The following SCTR variants were observed in gnomAD, a reference collection of about 807,000 sequenced individuals.
SCTR encodes the protein pancreatic secretin receptor.
Under a neutral mutation model 60.8 loss-of-function variants are expected in SCTR, and 56 were observed. The ratio of observed to expected loss-of-function variants is 0.92; its 90% CI spans 0.74 to 1.15. The LOEUF (loss-of-function observed/expected upper bound fraction) is 1.15, where lower values mean the gene tolerates loss of function less well. Among genes scored for constraint, SCTR ranks in the 50% most tolerant of loss-of-function variants. The probability of loss-of-function intolerance (pLI) is 0.00; values close to 1 mark genes in which losing one functional copy is unlikely to be tolerated. For synonymous variants in SCTR, 202 were observed against 217.0 expected (o/e 0.93, Z 0.61); for missense variants, 562 against 550.4 (o/e 1.02, Z -0.21).
chr2:119,450,813 T>A (rs1683134178), intron 9 of SCTR, among the ~76,000 whole-genome samples: 1 of 152,046 alleles, frequency 6.6e-6, no homozygotes, highest in African/African-American at 2.4e-5. Flanking sequence ...CTACAAAAAA[T>A]TAGCTAGGCG....
chr2:119,462,038 C>T (rs1165784577), intron 6 of SCTR, 38 bp from the exon 7 acceptor site: 1 of 1,571,354 alleles, frequency 6.4e-7, no homozygotes, highest in South Asian at 1.2e-5. Context: ...GGCCGGGTGG[C>T]AGTGGGGTTC....
chr2:119,448,473 T>C (rs1180362071), intron 10 of SCTR, among the ~76,000 whole-genome samples: 1 of 152,220 alleles, frequency 6.6e-6, no homozygotes, highest in East Asian at 1.9e-4. Context: ...TCAGGCTTCC[T>C]GCCTGAGATT....
chr2:119,492,868 TTATTTATTTATTTTG>T (rs1456508751), intron 2 of SCTR, among the ~76,000 whole-genome samples: 1 of 148,538 alleles, frequency 6.7e-6, no homozygotes. Context: ...ATTTATTTAT[TTATTTATTTATTTTG>T]AGACAGAGTC....
intron 1 of SCTR, among the ~76,000 whole-genome samples, chr2:119,511,285 T>G (rs1678922473): frequency 6.6e-6 from 1 of 152,282 alleles, no homozygotes; most frequent in Non-Finnish European, 1.5e-5. Context: ...AAACTTCCTA[T>G]TAGGGAAGAG....
At chr2:119,488,705 A>G (rs750985421) in intron 2 of SCTR, among the ~76,000 whole-genome samples, 1 of 152,216 alleles carries the variant, frequency 6.6e-6, no homozygotes, top group Non-Finnish European at 1.5e-5. Context: ...CATTCATGGC[A>G]GAGGTCAGCT....
intron 1 of SCTR, among the ~76,000 whole-genome samples, chr2:119,516,330 C>G (rs985469644): frequency 6.6e-6 from 1 of 152,110 alleles, no homozygotes; most frequent in Non-Finnish European, 1.5e-5. Flanking sequence ...TGTCTCTCAA[C>G]AGATGAATGG....
chr2:119,506,931 A>C (rs1161973531), intron 1 of SCTR, among the ~76,000 whole-genome samples: 3 of 152,190 alleles, frequency 2.0e-5, no homozygotes, highest in African/African-American at 7.2e-5. Flanking sequence ...CTGTATCTTG[A>C]CTGCAGCAAT....
chr2:119,445,189 G>A (rs1459091761), intron 11 of SCTR, among the ~76,000 whole-genome samples: 1 of 152,002 alleles, frequency 6.6e-6, no homozygotes, highest in Non-Finnish European at 1.5e-5. Context: ...CCGGGTCCAA[G>A]CTCTCAGCAT....
At chr2:119,514,984 AG>A (rs1386513519) in intron 1 of SCTR, among the ~76,000 whole-genome samples, 5 of 152,222 alleles carry the variant, frequency 3.3e-5, no homozygotes, top group African/African-American at 1.2e-4. Flanking sequence ...TATCGCTTCA[AG>A]GGGGGAAAGG....
intron 5 of SCTR, among the ~76,000 whole-genome samples, chr2:119,465,315 C>A (rs749882345): frequency 7.2e-5 from 11 of 152,160 alleles, no homozygotes; most frequent in Admixed American, 2.0e-4. Flanking sequence ...GAGGATGAGG[C>A]CAACCCAGAG....
intron 1 of SCTR, among the ~76,000 whole-genome samples, chr2:119,519,509 T>C (rs1358961247): frequency 6.6e-6 from 1 of 152,256 alleles, no homozygotes; most frequent in East Asian, 1.9e-4. Flanking sequence ...TTGGAGCAGA[T>C]GCATGTGCTG....
intron 1 of SCTR, among the ~76,000 whole-genome samples, chr2:119,509,078 T>C (rs1400216505): frequency 6.6e-6 from 1 of 152,240 alleles, no homozygotes; most frequent in African/African-American, 2.4e-5. Context: ...CTTCTTTGCT[T>C]GGCCTTGGCC....
rs555623752 is a variant in SCTR, at chr2:119,507,999, A to G, written c.73-13451T>C. Among the ~76,000 whole-genome samples the G allele has an allele frequency of 2.1e-4, 32 of 152,216 alleles. No individual in the cohort carries two copies. The East Asian group carries it at 6.2e-3, about 29-fold the overall frequency. Reference sequence around the variant, plus strand: ...TTTTGGCAGAGACTGTTTCCCCAGTAAATATTCTTCCCTTTCTCTAGTATA... The same window carrying G: ...TTTTGGCAGAGACTGTTTCCCCAGTGAATATTCTTCCCTTTCTCTAGTATA... On this transcript the variant is annotated intron_variant, in intron 1 of 12. Transcript: ENST00000019103.
intron 12 of SCTR, among the ~76,000 whole-genome samples, chr2:119,441,033 GCTCGAGTC>G (rs1343756361): frequency 2.0e-5 from 3 of 152,218 alleles, no homozygotes; most frequent in African/African-American, 7.2e-5. Context: ...TCCATGTGAG[GCTCGAGTC>G]CTCAAAGTGA....
chr2:119,494,134 T>C (rs1325086033), intron 2 of SCTR, among the ~76,000 whole-genome samples: 2 of 152,108 alleles, frequency 1.3e-5, no homozygotes, highest in Non-Finnish European at 2.9e-5. Context: ...TGCAGAGAAA[T>C]TCCCACCAAG....
chr2:119,509,369 A>C lies in SCTR; in HGVS notation c.72+14786T>G, dbSNP rs559059893. ...GCCGCCTAGCTGACTGATACAGGGT[A>C]GGAAATAAACTCCAGGGCGGTATCA... On this transcript the variant is annotated intron_variant, in intron 1 of 12. Transcript: ENST00000019103. 2.0e-5 allele frequency among the ~76,000 whole-genome samples: 3 copies of C among 152,338 alleles called. No homozygotes were observed. In the East Asian group the frequency reaches 5.8e-4, roughly 29 times the overall value.
intron 1 of SCTR, among the ~76,000 whole-genome samples, chr2:119,499,378 G>A (rs76453176): frequency 0.03 from 4,494 of 151,958 alleles, 231 homozygotes; most frequent in African/African-American, 0.1. Context: ...TCTAATTAAC[G>A]TTTATAGAAC....
At chr2:119,496,527 C>A (rs1237555035) in intron 1 of SCTR, among the ~76,000 whole-genome samples, 1 of 152,086 alleles carries the variant, frequency 6.6e-6, no homozygotes, top group Non-Finnish European at 1.5e-5. Context: ...CAAATAAGAT[C>A]CTGGACATTA....
chr2:119,506,143 G>A (rs530316958), intron 1 of SCTR, among the ~76,000 whole-genome samples: 57 of 152,224 alleles, frequency 3.7e-4, no homozygotes, highest in African/African-American at 7.7e-4. Flanking sequence ...ATGCAACTAC[G>A]ACAGTCCTGG....
Sources: gnomAD v4.1 joint callset for allele counts (sites outside exome capture counted in the v4.1 genomes callset) on GRCh38, gnomAD v4.1.1 for gene constraint, MANE v1.5 for transcripts, NCBI Gene and HGNC (gene_info 2026-07-23, HGNC 2026-07-21) for gene names.